Variants in DCLK1 observed in about 807,000 individuals in gnomAD.
The protein encoded by DCLK1 is serine/threonine-protein kinase DCLK1.
DCLK1 carries 16 observed loss-of-function variants against 86.2 expected under a neutral mutation model. The ratio of observed to expected loss-of-function variants is 0.19; its 90% CI spans 0.13 to 0.28. DCLK1 has a LOEUF of 0.28. Among genes scored for constraint, DCLK1 ranks in the 10% least tolerant of loss-of-function variants. The probability of loss-of-function intolerance (pLI) is 1.00; values close to 1 mark genes in which losing one functional copy is unlikely to be tolerated. For synonymous variants in DCLK1, 369 were observed against 370.5 expected (o/e 1.00, Z 0.05); for missense variants, 590 against 940.2 (o/e 0.63, Z 4.87).
intron 10 of DCLK1, among the ~76,000 whole-genome samples, chr13:35,823,771 G>A (rs1244675508): frequency 2.0e-5 from 3 of 152,034 alleles, no homozygotes; most frequent in Non-Finnish European, 4.4e-5. Flanking sequence ...GTTACCTAAT[G>A]CGCTAAGGAA....
intron 4 of DCLK1, among the ~76,000 whole-genome samples, chr13:35,937,844 T>C (rs1396115612): frequency 6.6e-6 from 1 of 152,198 alleles, no homozygotes; most frequent in Non-Finnish European, 1.5e-5. Context: ...TTATTTATTA[T>C]TATTTTTTAG....
intron 16 of DCLK1, among the ~76,000 whole-genome samples, chr13:35,790,053 T>G (rs1051934986): frequency 3.9e-5 from 6 of 152,174 alleles, no homozygotes; most frequent in Non-Finnish European, 7.3e-5. Context: ...GGGTGTGTGA[T>G]CCCTGTGAAC....
At chr13:35,913,308 A>G (rs1449434639) in intron 4 of DCLK1, among the ~76,000 whole-genome samples, 3 of 147,926 alleles carry the variant, frequency 2.0e-5, no homozygotes, top group Admixed American at 1.3e-4. Context: ...TAAGGAAGAT[A>G]ATGGTATATT....
chr13:35,868,911 C>T (rs1464524584), intron 5 of DCLK1, among the ~76,000 whole-genome samples: 1 of 152,194 alleles, frequency 6.6e-6, no homozygotes, highest in Non-Finnish European at 1.5e-5. Flanking sequence ...CTGCCTCAGC[C>T]TCCTGAGTAG....
chr13:35,815,803 T>C (rs2087250970), intron 11 of DCLK1, among the ~76,000 whole-genome samples: 1 of 152,086 alleles, frequency 6.6e-6, no homozygotes, highest in Non-Finnish European at 1.5e-5. Context: ...TTAAATCTCC[T>C]GGAAAAACAT....
rs1397913372 is a variant in DCLK1, at chr13:35,773,940, T to G, written c.*595A>C. 4.0e-5 allele frequency: 6 copies of G among 151,428 alleles called. No individual in the cohort carries two copies. The highest frequency in any genetic ancestry group is 1.5e-4 in the African/African-American group (6 of 40,730). The allele number at this position is 151,428 out of a possible 1,614,324, so 9.4% of individuals were successfully genotyped here. On this transcript the variant is annotated 3_prime_UTR_variant, in exon 17 of 17. Coordinates refer to ENST00000360631, the MANE Select transcript of DCLK1 (RefSeq NM_001330071.2). ...ATGCAGAACTCACTGCAACTGACAG[T>G]CATATCTCTAATGAAAAAAAAAATC... is the stretch of plus-strand genomic sequence containing the variant.
intron 3 of DCLK1, among the ~76,000 whole-genome samples, chr13:36,059,277 A>G (rs1206006739): frequency 6.6e-6 from 1 of 152,166 alleles, no homozygotes; most frequent in African/African-American, 2.4e-5. Context: ...TCTCTTTTCA[A>G]TTCCCTACAG....
At chr13:35,784,750 C>T (rs191840460) in intron 16 of DCLK1, among the ~76,000 whole-genome samples, 1 of 152,178 alleles carries the variant, frequency 6.6e-6, no homozygotes, top group East Asian at 1.9e-4. Context: ...TCCCCGGGGA[C>T]AGCGTTCTCA....
At position 35,918,893 on chromosome 13, in the gene DCLK1, T is replaced by TTTTTTTTTTTTTTTTTG. The variant is rs1491393717; in HGVS notation, c.823+28448_823+28464dup. ...AAAAGAAATCTTCCTTCTGAGTGTG[T>TTTTTTTTTTTTTTTTTG]TTTTTTTTTTTTTTTTGGAAACGGA... On this transcript the variant is annotated intron_variant, in intron 4 of 16. Coordinates refer to ENST00000360631, the MANE Select transcript of DCLK1 (RefSeq NM_001330071.2). 2.7e-4 allele frequency among the ~76,000 whole-genome samples: 12 copies of TTTTTTTTTTTTTTTTTG among 43,900 alleles called. 2 individuals are homozygous for TTTTTTTTTTTTTTTTTG. Among genetic ancestry groups the TTTTTTTTTTTTTTTTTG allele is most frequent in the Admixed American group, 1.2e-3 (4 of 3,418 alleles). 28.8% of individuals were successfully genotyped at this position (43,900 alleles called of 152,430 possible).
intron 4 of DCLK1, among the ~76,000 whole-genome samples, chr13:35,893,077 G>A (rs1175613745): frequency 1.3e-5 from 2 of 152,216 alleles, no homozygotes; most frequent in Non-Finnish European, 2.9e-5. Context: ...TGGACACATA[G>A]GCGGAGCCCT....
chr13:35,969,660 C>T (rs1593779176), intron 3 of DCLK1, among the ~76,000 whole-genome samples: 1 of 152,208 alleles, frequency 6.6e-6, no homozygotes. Flanking sequence ...CAGGGTTCCT[C>T]TTTCCCTAAG....
intron 16 of DCLK1, among the ~76,000 whole-genome samples, chr13:35,781,528 C>T (rs530817510): frequency 5.3e-5 from 8 of 152,316 alleles, no homozygotes; most frequent in African/African-American, 1.9e-4. Flanking sequence ...GCAGGATTCA[C>T]AAGAGATGTA....
At chr13:35,918,177 T>C (rs571109904) in intron 4 of DCLK1, among the ~76,000 whole-genome samples, 2 of 152,346 alleles carry the variant, frequency 1.3e-5, no homozygotes, top group East Asian at 3.9e-4. Context: ...ATTTTTATTT[T>C]TCTTTCTAAA....
At chr13:36,064,657 A>AC (rs1442908585) in intron 3 of DCLK1, among the ~76,000 whole-genome samples, 1 of 99,896 alleles carries the variant, frequency 1.0e-5, no homozygotes, top group Non-Finnish European at 2.2e-5. Flanking sequence ...GACTCCGTCT[A>AC]TTAAAAAAAA....
At chr13:36,032,815 T>C (rs1334867825) in intron 3 of DCLK1, among the ~76,000 whole-genome samples, 1 of 152,254 alleles carries the variant, frequency 6.6e-6, no homozygotes, top group Non-Finnish European at 1.5e-5. Context: ...TCCACTTTCC[T>C]ACTTCCTTTT....
intron 3 of DCLK1, among the ~76,000 whole-genome samples, chr13:35,948,544 G>A (rs1282291805): frequency 2.0e-5 from 3 of 152,072 alleles, no homozygotes; most frequent in African/African-American, 7.2e-5. Flanking sequence ...AATGCTACTC[G>A]GACACATTAC....
chr13:35,835,712 G>T (rs530308425), intron 8 of DCLK1, among the ~76,000 whole-genome samples: 1 of 152,210 alleles, frequency 6.6e-6, no homozygotes, highest in Non-Finnish European at 1.5e-5. Flanking sequence ...TCTACAAAAT[G>T]TCATAAAAAG....
intron 7 of DCLK1, among the ~76,000 whole-genome samples, chr13:35,838,645 TA>T (rs1869570952): frequency 1.3e-5 from 2 of 152,252 alleles, no homozygotes. Flanking sequence ...ATTCTTTTTG[TA>T]AAACCATATT....
At chr13:35,957,052 A>C (rs534629725) in intron 3 of DCLK1, among the ~76,000 whole-genome samples, 1 of 152,174 alleles carries the variant, frequency 6.6e-6, no homozygotes, top group South Asian at 2.1e-4. Flanking sequence ...TTGAAAAGTC[A>C]AGATGAAGAA....
Sources: allele counts gnomAD v4.1 joint callset (sites outside exome capture counted in the v4.1 genomes callset), GRCh38; gene constraint gnomAD v4.1.1; transcripts MANE v1.5; gene names NCBI Gene and HGNC (gene_info 2026-07-23, HGNC 2026-07-21).